The following RAP1GDS1 variants were observed in gnomAD, a reference collection of about 807,000 sequenced individuals.
The protein encoded by RAP1GDS1 is Rap1 GTPase-GDP dissociation stimulator 1, also known as RAP1, GTP-GDP dissociation stimulator 1.
In RAP1GDS1, 35 loss-of-function variants were observed where a neutral mutation model predicts 71.1. The ratio of observed to expected loss-of-function variants is 0.49; its 90% CI spans 0.38 to 0.65. The LOEUF (loss-of-function observed/expected upper bound fraction) is 0.65. RAP1GDS1 is among the 30% of genes least tolerant of loss of function. The probability of loss-of-function intolerance (pLI) is 0.00; values close to 1 mark genes in which losing one functional copy is unlikely to be tolerated. For missense variants in RAP1GDS1, 663 were observed against 706.1 expected, an observed-to-expected ratio of 0.94 and a Z score of 0.69; for synonymous variants, 229 against 243.1, an observed-to-expected ratio of 0.94 and a Z score of 0.54.
intron 2 of RAP1GDS1, among the ~76,000 whole-genome samples, chr4:98,338,770 T>A (rs1488288321): frequency 6.6e-6 from 1 of 152,228 alleles, no homozygotes; most frequent in Non-Finnish European, 1.5e-5. Flanking sequence ...ATTATTTTTA[T>A]TTTTTTAACT....
intron 14 of RAP1GDS1, among the ~76,000 whole-genome samples, chr4:98,437,398 CA>C: frequency 6.6e-6 from 1 of 152,262 alleles, no homozygotes; most frequent in Non-Finnish European, 1.5e-5. Flanking sequence ...CAAATCTAGA[CA>C]ACATTCAGTA....
intron 7 of RAP1GDS1, chr4:98,409,778 A>G (rs771123265): frequency 2.2e-5 from 10 of 444,818 alleles, no homozygotes; most frequent in Non-Finnish European, 4.0e-5. Flanking sequence ...TGTTTTCAAG[A>G]TAAAAGGCTT....
intron 4 of RAP1GDS1, among the ~76,000 whole-genome samples, chr4:98,361,067 ACT>A (rs1414127769): frequency 1.4e-5 from 2 of 141,262 alleles, no homozygotes; most frequent in Admixed American, 1.5e-4. Context: ...ACGGAGTGAG[ACT>A]CTGTCTCAAA....
chr4:98,313,273 T>C (rs1730527334), intron 2 of RAP1GDS1, among the ~76,000 whole-genome samples: 1 of 152,056 alleles, frequency 6.6e-6, no homozygotes, highest in African/African-American at 2.4e-5. Flanking sequence ...CTTCAACTGA[T>C]AGGGCACAAT....
chr4:98,314,780 T>G (rs867443050), intron 2 of RAP1GDS1, among the ~76,000 whole-genome samples: 13 of 152,304 alleles, frequency 8.5e-5, no homozygotes, highest in Middle Eastern at 3.4e-3. Context: ...GAAACAGAGA[T>G]ATGGATTCAA....
chr4:98,329,788 CAAAAAAAAAAAA>C (rs34140500), intron 2 of RAP1GDS1, among the ~76,000 whole-genome samples: 3 of 43,428 alleles, frequency 6.9e-5, no homozygotes, highest in East Asian at 1.4e-3. Flanking sequence ...GACTCCATCT[CAAAAAAAAAAAA>C]AAAAAAAAAA....
chr4:98,434,928 T>C (rs781476972), intron 13 of RAP1GDS1, among the ~76,000 whole-genome samples: 3 of 152,112 alleles, frequency 2.0e-5, no homozygotes, highest in South Asian at 2.1e-4. Flanking sequence ...GGCCCTAATA[T>C]AGCATTTCTG....
intron 12 of RAP1GDS1, among the ~76,000 whole-genome samples, chr4:98,423,407 GA>G: frequency 6.6e-6 from 1 of 152,216 alleles, no homozygotes; most frequent in Non-Finnish European, 1.5e-5. Flanking sequence ...TGAAAACTGG[GA>G]ATTAAGTGAA....
At chr4:98,280,959 A>C (rs1392744219) in intron 1 of RAP1GDS1, among the ~76,000 whole-genome samples, 3 of 151,722 alleles carry the variant, frequency 2.0e-5, no homozygotes, top group African/African-American at 7.3e-5. Context: ...GTTCTGTTCC[A>C]TTGGTCTATA....
intron 2 of RAP1GDS1, among the ~76,000 whole-genome samples, chr4:98,312,592 A>G (rs17027454): frequency 0.066 from 10,077 of 152,084 alleles, 384 homozygotes; most frequent in Admixed American, 0.13. Flanking sequence ...TTACTTGGAA[A>G]TCTTTGTTGG....
chr4:98,413,416 A>T (rs1307758020), intron 7 of RAP1GDS1, among the ~76,000 whole-genome samples: 4 of 132,084 alleles, frequency 3.0e-5, no homozygotes, highest in South Asian at 2.4e-4. Flanking sequence ...TTCCCCTTCC[A>T]GTGTCCATGT....
At chr4:98,436,879 C>T in intron 13 of RAP1GDS1, 61 bp from the exon 14 acceptor site, 5 of 1,402,956 alleles carry the variant, frequency 3.6e-6, no homozygotes, top group Non-Finnish European at 4.7e-6. Context: ...CAAAATGAAG[C>T]AGTGTTTATC....
chr4:98,299,851 C>G (rs558340266), intron 2 of RAP1GDS1, among the ~76,000 whole-genome samples: 2 of 151,858 alleles, frequency 1.3e-5, no homozygotes, highest in Non-Finnish European at 2.9e-5. Context: ...GAACTCCTGA[C>G]CTTGTGATCC....
At chr4:98,305,473 AAGC>A (rs1432560922) in intron 2 of RAP1GDS1, among the ~76,000 whole-genome samples, 1 of 152,134 alleles carries the variant, frequency 6.6e-6, no homozygotes, top group African/African-American at 2.4e-5. Context: ...CTTAATCTAA[AAGC>A]AGAGATTAAA....
intron 1 of RAP1GDS1, among the ~76,000 whole-genome samples, chr4:98,269,252 C>G (rs1723128093): frequency 1.4e-5 from 2 of 140,262 alleles, no homozygotes; most frequent in African/African-American, 5.3e-5. Flanking sequence ...GTTGTTAAAA[C>G]TAGATACCCA....
intron 6 of RAP1GDS1, among the ~76,000 whole-genome samples, chr4:98,400,524 G>C (rs938969085): frequency 9.3e-6 from 1 of 107,642 alleles, no homozygotes; most frequent in African/African-American, 3.9e-5. Context: ...TGATTTTATA[G>C]AAGTAAAAAA....
intron 2 of RAP1GDS1, among the ~76,000 whole-genome samples, chr4:98,332,474 G>A (rs1260473600): frequency 6.6e-6 from 1 of 152,152 alleles, no homozygotes; most frequent in African/African-American, 2.4e-5. Context: ...GTTAAAAAGA[G>A]AGAGTCCCAG....
In RAP1GDS1 at chr4:98,401,032, G is replaced by A. The variant is rs147970584; in HGVS notation, c.638-3445G>A. 9.7e-3 allele frequency among the ~76,000 whole-genome samples: 1,474 copies of A among 152,260 alleles called. 14 individuals carry two copies. The highest frequency in any genetic ancestry group is 0.051 in the Middle Eastern group (15 of 294). On this transcript the variant is annotated intron_variant, in intron 6 of 14. Coordinates refer to ENST00000408927, the MANE Select transcript of RAP1GDS1 (RefSeq NM_001100427.2). ...TTCCACCAAAACAAGGGATTTAAAT[G>A]AAGAAAAACTACATAGGAGCTGAAA...
intron 4 of RAP1GDS1, among the ~76,000 whole-genome samples, chr4:98,365,797 G>A (rs540142368): frequency 2.6e-4 from 39 of 152,170 alleles, no homozygotes; most frequent in African/African-American, 8.4e-4. Flanking sequence ...TATTGGCACA[G>A]CAAAGTAAGC....
Sources: allele counts gnomAD v4.1 joint callset (sites outside exome capture counted in the v4.1 genomes callset), GRCh38; gene constraint gnomAD v4.1.1; transcripts MANE v1.5; gene names NCBI Gene and HGNC (gene_info 2026-07-23, HGNC 2026-07-21).